The following HACD3 variants were observed in gnomAD, a reference collection of about 807,000 sequenced individuals.
The protein encoded by HACD3 is very-long-chain (3R)-3-hydroxyacyl-CoA dehydratase 3.
A neutral mutation model predicts 55.2 loss-of-function variants in HACD3; 30 were observed. The ratio of observed to expected loss-of-function variants is 0.54; its 90% CI spans 0.41 to 0.74. The LOEUF (loss-of-function observed/expected upper bound fraction) is 0.74, where lower values mean the gene tolerates loss of function less well. Ranked by LOEUF, HACD3 falls within the 30% of genes least tolerant of loss-of-function variation. HACD3 has a pLI of 0.00. For synonymous variants in HACD3, 141 were observed against 151.7 expected (o/e 0.93, Z 0.52); for missense variants, 363 against 440.1 (o/e 0.82, Z 1.57).
At position 65,566,233 on chromosome 15, in the gene HACD3, T is replaced by C. The variant is rs553644176; in HGVS notation, c.660+1891T>C. 2.9e-3 allele frequency: 438 copies of C among 153,048 alleles called. 1 individual carries two copies. Among genetic ancestry groups the C allele is most frequent in the Non-Finnish European group, 5.6e-3 (381 of 68,606 alleles). The allele number at this position is 153,048 out of a possible 1,614,324, so 9.5% of individuals were successfully genotyped here. A position where few individuals can be genotyped will look rare whatever the true frequency, so the allele number is the denominator to read the frequency against. ...CTATCTTCTTCTGAGCCCTCCAAAC[T>C]GTTCCAACCTCTGTCTGTTACCCAG... is the stretch of plus-strand genomic sequence containing the variant. On this transcript the variant is annotated intron_variant, in intron 7 of 10. Transcript: ENST00000261875.
intron 7 of HACD3, chr15:65,565,594 T>A (rs1200080680): frequency 6.6e-6 from 1 of 152,314 alleles, no homozygotes; most frequent in Non-Finnish European, 1.5e-5. Context: ...TTGGCCCCTC[T>A]CAGCCAAGGC....
intron 1 of HACD3, among the ~76,000 whole-genome samples, chr15:65,533,445 A>G (rs918251349): frequency 6.6e-6 from 1 of 152,192 alleles, no homozygotes; most frequent in Non-Finnish European, 1.5e-5. Context: ...CAGTCACTCA[A>G]TTTGGCCAAA....
intron 1 of HACD3, 22 bp from the exon 2 acceptor site, chr15:65,551,654 C>T (rs1276780979): frequency 1.2e-6 from 2 of 1,613,826 alleles, no homozygotes; most frequent in Admixed American, 1.7e-5. Context: ...TGCCTTCTTG[C>T]ATCCTTGGTC....
chr15:65,533,965 G>A (rs2071929233), intron 1 of HACD3, among the ~76,000 whole-genome samples: 1 of 151,670 alleles, frequency 6.6e-6, no homozygotes, highest in African/African-American at 2.4e-5. Flanking sequence ...GCAGGAGAAT[G>A]GCGTGAACCC....
Position 65,545,486 on chromosome 15 carries a change from G to A in HACD3, c.88-6190G>A, listed in dbSNP as rs190032049. Among the ~76,000 whole-genome samples the A allele has an allele frequency of 3.7e-3, 544 of 148,222 alleles. 2 individuals carry two copies. Among genetic ancestry groups the A allele is most frequent in the Non-Finnish European group, 4.3e-3 (292 of 67,398 alleles). On this transcript the variant is annotated intron_variant, in intron 1 of 10. Transcript: ENST00000261875. ...TTTTTTTTTTTTGAGACGGAGTCTC[G>A]CTCTGTCGCCCAGGCTGGAGTGTCT...
chr15:65,558,719 G>A lies in HACD3; in HGVS notation c.409G>A (p.Gly137Ser). 6.2e-7 allele frequency: 1 copy of A among 1,601,708 alleles called. No individual in the cohort carries two copies. The highest frequency in any genetic ancestry group is 8.5e-7 in the Non-Finnish European group (1 of 1,173,868). Residue 137 changes from glycine to serine, a missense_variant, in exon 5 of 11, where the codon GGC becomes AGC. Transcript: ENST00000261875. ...AAATAAACTCCGACTGGAAAGCGAAGGCTCTCCTGAAAGTAAGTTGTGCTG... is the reference window on the plus strand; with the variant it reads ...AAATAAACTCCGACTGGAAAGCGAAAGCTCTCCTGAAAGTAAGTTGTGCTG... ...RLNKLRLESE[G>S]SPETLTNLRK...
At chr15:65,569,118 G>A (rs2072322934) in intron 7 of HACD3, among the ~76,000 whole-genome samples, 1 of 151,870 alleles carries the variant, frequency 6.6e-6, no homozygotes, top group Non-Finnish European at 1.5e-5. Context: ...CGTGGTGGCG[G>A]GCGCCTGTAG....
chr15:65,545,569 G>C (rs1265027930), intron 1 of HACD3, among the ~76,000 whole-genome samples: 1 of 150,776 alleles, frequency 6.6e-6, no homozygotes, highest in Admixed American at 6.6e-5. Flanking sequence ...TCAGCCTCCT[G>C]AGTAGCTGGG....
chr15:65,571,271 A>G (rs149645869), intron 8 of HACD3, among the ~76,000 whole-genome samples: 1 of 152,308 alleles, frequency 6.6e-6, no homozygotes, highest in African/African-American at 2.4e-5. Flanking sequence ...AGCACTAGGA[A>G]TAAAGCCAAA....
intron 7 of HACD3, 181 bp downstream of exon 7, chr15:65,564,523 G>A: frequency 1.3e-6 from 1 of 757,278 alleles, no homozygotes; most frequent in Non-Finnish European, 2.0e-6. Flanking sequence ...TCACGATCAT[G>A]GTGGAGGGCG....
Position 65,535,849 on chromosome 15 carries a change from A to C in HACD3, c.87+5131A>C, listed in dbSNP as rs185681170. On this transcript the variant is annotated intron_variant, in intron 1 of 10. Transcript: ENST00000261875. ...TAGGACTACAGGTACCTGCCTAGCT[A>C]ATTTTCAATTTTTTAATTTTTTTAG... 6.9e-6 allele frequency: 4 copies of C among 581,992 alleles called. No homozygotes were observed. The East Asian group carries it at 1.2e-4, about 18-fold the overall frequency. 36.1% of individuals were successfully genotyped at this position (581,992 alleles called of 1,614,324 possible).
intron 5 of HACD3, among the ~76,000 whole-genome samples, chr15:65,561,101 G>A (rs1025228103): frequency 6.6e-6 from 1 of 152,040 alleles, no homozygotes; most frequent in East Asian, 1.9e-4. Context: ...TACTGTATCT[G>A]TCTCTTTGAG....
intron 1 of HACD3, among the ~76,000 whole-genome samples, chr15:65,542,257 G>GAA (rs1555483051): frequency 7.1e-6 from 1 of 140,372 alleles, no homozygotes; most frequent in Non-Finnish European, 1.5e-5. Context: ...GAAAAGAAAA[G>GAA]AATATCTGTT....
At chr15:65,544,960 G>A (rs2072059938) in intron 1 of HACD3, among the ~76,000 whole-genome samples, 1 of 151,822 alleles carries the variant, frequency 6.6e-6, no homozygotes, top group African/African-American at 2.4e-5. Flanking sequence ...GGCGGAGGTT[G>A]CGGTGAGCCG....
chr15:65,532,018 CTGAG>C (rs765190340), intron 1 of HACD3, among the ~76,000 whole-genome samples: 5 of 152,082 alleles, frequency 3.3e-5, no homozygotes, highest in Non-Finnish European at 7.3e-5. Flanking sequence ...TAGGTGCTTT[CTGAG>C]TGTCGACTTG....
At chr15:65,536,454 A>C (rs980084152) in intron 1 of HACD3, among the ~76,000 whole-genome samples, 1 of 152,140 alleles carries the variant, frequency 6.6e-6, no homozygotes, top group African/African-American at 2.4e-5. Flanking sequence ...TATTGAAATT[A>C]AGCCAGTTAA....
chr15:65,530,867 GC>G (rs2071890314), intron 1 of HACD3, 149 bp downstream of exon 1: 1 of 725,568 alleles, frequency 1.4e-6, no homozygotes, highest in African/African-American at 1.9e-5. Context: ...GCGTGCTGGC[GC>G]TTTTCGAGGC....
Position 65,532,498 on chromosome 15 carries a change from G to T in HACD3, c.87+1780G>T, listed in dbSNP as rs536344918. Among the ~76,000 whole-genome samples the T allele has an allele frequency of 2.0e-5, 3 of 152,252 alleles. No individual in the cohort carries two copies. The East Asian group carries it at 5.8e-4, about 29-fold the overall frequency. ...AAATTAGCCGGGCATGGTGGTGCAT[G>T]CGTGTAATTCACTATGTTGGCTACT... On this transcript the variant is annotated intron_variant, in intron 1 of 10. Coordinates refer to ENST00000261875, the MANE Select transcript of HACD3 (RefSeq NM_016395.4).
chr15:65,550,534 T>C (rs1054483063), intron 1 of HACD3, among the ~76,000 whole-genome samples: 4 of 152,190 alleles, frequency 2.6e-5, no homozygotes, highest in Non-Finnish European at 4.4e-5. Flanking sequence ...CAGGGAAACT[T>C]GCAGGTCTAA....
Sources: allele counts gnomAD v4.1 joint callset (sites outside exome capture counted in the v4.1 genomes callset), GRCh38; gene constraint gnomAD v4.1.1; transcripts MANE v1.5; gene names NCBI Gene and HGNC (gene_info 2026-07-23, HGNC 2026-07-21).